The following ARL14EPL variants were observed in gnomAD, a reference collection of about 807,000 sequenced individuals.
The protein encoded by ARL14EPL is ARF like GTPase 14 effector protein like.
In ARL14EPL, 17 loss-of-function variants were observed where a neutral mutation model predicts 15.9. That is an observed-to-expected ratio of 1.07 (90% CI 0.73 to 1.60). The LOEUF is 1.60. Among genes scored for constraint, ARL14EPL ranks in the 40% most tolerant of loss-of-function variants. The pLI, the probability that ARL14EPL is intolerant of heterozygous loss-of-function variation, is 0.00. For missense variants in ARL14EPL, 214 were observed against 185.9 expected, an observed-to-expected ratio of 1.15 and a Z score of -0.88; for synonymous variants, 78 against 63.8, an observed-to-expected ratio of 1.22 and a Z score of -1.06.
chr5:116,041,402 A>G (rs899833457), intron 1 of ARL14EPL, among the ~76,000 whole-genome samples: 1 of 152,170 alleles, frequency 6.6e-6, no homozygotes, highest in African/African-American at 2.4e-5. Flanking sequence ...ACACTGAAGT[A>G]GTTTTATCCT....
chr5:116,053,518 G>A (rs13354834), intron 2 of ARL14EPL, among the ~76,000 whole-genome samples: 3,572 of 152,186 alleles, frequency 0.023, 130 homozygotes, highest in East Asian at 0.14. Flanking sequence ...GACCCCCCGC[G>A]TGGAGGCCAG....
At chr5:116,033,985 A>T (rs560593967) in intron 1 of ARL14EPL, among the ~76,000 whole-genome samples, 1 of 152,316 alleles carries the variant, frequency 6.6e-6, no homozygotes. Context: ...AACAATGCCA[A>T]GCAATGAGAT....
intron 1 of ARL14EPL, among the ~76,000 whole-genome samples, chr5:116,040,455 G>A (rs1170472393): frequency 6.6e-6 from 1 of 151,660 alleles, no homozygotes; most frequent in Non-Finnish European, 1.5e-5. Context: ...TGACGGGAAG[G>A]CATTTCTGGA....
At chr5:116,046,206 C>G (rs568577148) in intron 1 of ARL14EPL, among the ~76,000 whole-genome samples, 2 of 152,234 alleles carry the variant, frequency 1.3e-5, no homozygotes, top group African/African-American at 4.8e-5. Context: ...TAAATATATT[C>G]CAAGAGATAT....
chr5:116,045,925 T>C (rs938436850), intron 1 of ARL14EPL, among the ~76,000 whole-genome samples: 1 of 152,142 alleles, frequency 6.6e-6, no homozygotes, highest in African/African-American at 2.4e-5. Flanking sequence ...AAAGGACAAA[T>C]GGCAGTGGAG....
intron 3 of ARL14EPL, among the ~76,000 whole-genome samples, chr5:116,055,310 T>A (rs1477151871): frequency 6.6e-6 from 1 of 152,214 alleles, no homozygotes; most frequent in Non-Finnish European, 1.5e-5. Flanking sequence ...TGAGTATAAA[T>A]TAATATCTTG....
intron 1 of ARL14EPL, among the ~76,000 whole-genome samples, chr5:116,044,549 G>A (rs912988249): frequency 7.2e-5 from 11 of 152,162 alleles, no homozygotes; most frequent in African/African-American, 2.4e-4. Context: ...TATTTACACT[G>A]AAGTACAAAA....
intron 1 of ARL14EPL, among the ~76,000 whole-genome samples, chr5:116,041,388 G>T (rs1749155527): frequency 6.6e-6 from 1 of 152,134 alleles, no homozygotes; most frequent in South Asian, 2.1e-4. Context: ...AGTTTTGGGG[G>T]AAAACACTGA....
At chr5:116,042,331 T>C (rs1414646407) in intron 1 of ARL14EPL, among the ~76,000 whole-genome samples, 1 of 152,232 alleles carries the variant, frequency 6.6e-6, no homozygotes, top group Non-Finnish European at 1.5e-5. Context: ...ATTGGCACAT[T>C]GTCTGGCTCA....
At chr5:116,035,649 G>T (rs2112664709) in intron 1 of ARL14EPL, among the ~76,000 whole-genome samples, 1 of 152,310 alleles carries the variant, frequency 6.6e-6, no homozygotes, top group Non-Finnish European at 1.5e-5. Flanking sequence ...CTAGAAGCTG[G>T]TGTGGCTGCT....
In ARL14EPL at chr5:116,052,011, T is replaced by C. The variant is rs574548272; in HGVS notation, c.96+450T>C. ...GAAACCAGTTTGATAAGTCCTTTAC[T>C]AAGGAGCTCCTGAAGGGCTGCCCTG... On this transcript the variant is annotated intron_variant, in intron 2 of 3. Transcript: ENST00000686077. The C allele has an allele frequency of 3.1e-6, 5 of 1,610,920 alleles. No homozygotes were observed. The East Asian group carries it at 8.9e-5, about 29-fold the overall frequency.
At chr5:116,058,702 A>T in intron 3 of ARL14EPL, 23 bp from the exon 4 acceptor site, 2 of 1,526,580 alleles carry the variant, frequency 1.3e-6, no homozygotes, top group Non-Finnish European at 1.8e-6. Context: ...CTGTCATCTT[A>T]ATGTCATGCT....
chr5:116,035,159 G>T (rs1749027128), intron 1 of ARL14EPL, among the ~76,000 whole-genome samples: 2 of 152,112 alleles, frequency 1.3e-5, no homozygotes, highest in Non-Finnish European at 2.9e-5. Flanking sequence ...TTTTACAGCT[G>T]CCTTAGAAGT....
chr5:116,049,218 C>A (rs957675742), intron 1 of ARL14EPL, among the ~76,000 whole-genome samples: 1 of 152,130 alleles, frequency 6.6e-6, no homozygotes, highest in Non-Finnish European at 1.5e-5. Flanking sequence ...CTAGTATTTC[C>A]TTTAATAGCC....
At chr5:116,040,755 C>T (rs532561050) in intron 1 of ARL14EPL, among the ~76,000 whole-genome samples, 29 of 149,104 alleles carry the variant, frequency 1.9e-4, no homozygotes, top group African/African-American at 4.9e-4. Flanking sequence ...GGGCGGATCA[C>T]GAGGTCATAT....
chr5:116,051,671 G>T, intron 2 of ARL14EPL, 110 bp downstream of exon 2: 1 of 938,808 alleles, frequency 1.1e-6, no homozygotes, highest in Non-Finnish European at 1.6e-6. Context: ...GGACCTCACA[G>T]GGAGGAGCTC....
At chr5:116,034,504 T>G (rs1291006515) in intron 1 of ARL14EPL, among the ~76,000 whole-genome samples, 1 of 152,174 alleles carries the variant, frequency 6.6e-6, no homozygotes, top group Admixed American at 6.5e-5. Context: ...CTTCACAAGG[T>G]TGATGTTTTC....
chr5:116,051,979 G>A, intron 2 of ARL14EPL: 2 of 1,611,930 alleles, frequency 1.2e-6, no homozygotes, highest in South Asian at 1.1e-5. Context: ...CTTGAGCTCT[G>A]TGCTTTGAAA....
At chr5:116,052,617 T>A (rs1749414185) in intron 2 of ARL14EPL, among the ~76,000 whole-genome samples, 1 of 152,212 alleles carries the variant, frequency 6.6e-6, no homozygotes, top group Admixed American at 6.5e-5. Flanking sequence ...AATCGCTTCG[T>A]ACTAAGTTGT....
Sources: allele counts gnomAD v4.1 joint callset (sites outside exome capture counted in the v4.1 genomes callset), GRCh38; gene constraint gnomAD v4.1.1; transcripts MANE v1.5; gene names NCBI Gene and HGNC (gene_info 2026-07-23, HGNC 2026-07-21).